The following KCNQ5 variants were observed in gnomAD, a reference collection of about 807,000 sequenced individuals.
KCNQ5 encodes the protein potassium voltage-gated channel subfamily Q member 5, also known as potassium voltage-gated channel subfamily KQT member 5.
A neutral mutation model predicts 98.2 loss-of-function variants in KCNQ5; 30 were observed. That is an observed-to-expected ratio of 0.31 (90% confidence interval 0.23 to 0.41). KCNQ5 has a LOEUF of 0.41. Ranked by LOEUF, KCNQ5 falls within the 10% of genes least tolerant of loss-of-function variation. The probability of loss-of-function intolerance (pLI) is 1.00; values close to 1 mark genes in which losing one functional copy is unlikely to be tolerated. For missense variants in KCNQ5, 835 were observed against 1,182.5 expected (o/e 0.71, Z 4.31); for synonymous variants, 458 against 449.4 (o/e 1.02, Z -0.24).
At chr6:73,138,612 T>G (rs1011041226) in intron 10 of KCNQ5, among the ~76,000 whole-genome samples, 6 of 152,224 alleles carry the variant, frequency 3.9e-5, no homozygotes, top group African/African-American at 1.4e-4. Flanking sequence ...TTAACAAGTC[T>G]AACATTGTTT....
chr6:72,677,600 G>C (rs1274339266), intron 1 of KCNQ5, among the ~76,000 whole-genome samples: 2 of 152,038 alleles, frequency 1.3e-5, no homozygotes, highest in South Asian at 4.2e-4. Context: ...TTTTAATTCT[G>C]AATACAATAT....
intron 1 of KCNQ5, among the ~76,000 whole-genome samples, chr6:72,942,096 A>G (rs138833013): frequency 6.6e-6 from 1 of 152,256 alleles, no homozygotes; most frequent in East Asian, 1.9e-4. Flanking sequence ...TAAGAATGTG[A>G]CTGAAGCTCA....
At chr6:73,170,760 C>G (rs527947643) in intron 11 of KCNQ5, among the ~76,000 whole-genome samples, 135 of 151,820 alleles carry the variant, frequency 8.9e-4, no homozygotes, top group South Asian at 1.9e-3. Context: ...TTGACGAAAC[C>G]CTGTCTCTAC....
chr6:72,772,349 T>C (rs1772940938), intron 1 of KCNQ5, among the ~76,000 whole-genome samples: 1 of 152,128 alleles, frequency 6.6e-6, no homozygotes, highest in Non-Finnish European at 1.5e-5. Flanking sequence ...CTCTCAAAGC[T>C]AATTGTTGAA....
intron 5 of KCNQ5, among the ~76,000 whole-genome samples, chr6:73,094,093 C>T (rs1378493128): frequency 6.6e-6 from 1 of 152,102 alleles, no homozygotes; most frequent in Non-Finnish European, 1.5e-5. Flanking sequence ...TTCCAGTGTT[C>T]AGTGCATATA....
At chr6:72,704,581 C>T (rs1768981442) in intron 1 of KCNQ5, among the ~76,000 whole-genome samples, 1 of 151,290 alleles carries the variant, frequency 6.6e-6, no homozygotes, top group South Asian at 2.1e-4. Context: ...TATAGAAATT[C>T]TATAATTTGA....
At chr6:73,186,914 T>C (rs1177163753) in intron 11 of KCNQ5, among the ~76,000 whole-genome samples, 1 of 152,040 alleles carries the variant, frequency 6.6e-6, no homozygotes, top group Non-Finnish European at 1.5e-5. Context: ...TTACATTAGG[T>C]ATTTCTCCTA....
intron 1 of KCNQ5, among the ~76,000 whole-genome samples, chr6:72,748,458 T>C (rs1771514839): frequency 6.6e-6 from 1 of 152,194 alleles, no homozygotes; most frequent in Non-Finnish European, 1.5e-5. Context: ...AGAATCTGCA[T>C]GTTAACAAAA....
intron 1 of KCNQ5, among the ~76,000 whole-genome samples, chr6:72,952,682 G>T (rs1356984480): frequency 6.6e-6 from 1 of 152,114 alleles, no homozygotes; most frequent in African/African-American, 2.4e-5. Context: ...GACAATCAAA[G>T]CCAACTGATC....
intron 1 of KCNQ5, among the ~76,000 whole-genome samples, chr6:72,681,724 C>T (rs1767721354): frequency 6.6e-6 from 1 of 152,208 alleles, no homozygotes; most frequent in African/African-American, 2.4e-5. Flanking sequence ...CACAGCTTAT[C>T]ATCATCATGC....
chr6:72,638,339 A>G (rs950790879), intron 1 of KCNQ5, among the ~76,000 whole-genome samples: 2 of 152,166 alleles, frequency 1.3e-5, no homozygotes, highest in Admixed American at 1.3e-4. Flanking sequence ...TTGATGAGCT[A>G]CTTTACAATT....
chr6:72,730,183 A>T (rs745869368), intron 1 of KCNQ5, among the ~76,000 whole-genome samples: 1 of 152,180 alleles, frequency 6.6e-6, no homozygotes, highest in Non-Finnish European at 1.5e-5. Flanking sequence ...TAATAAATAA[A>T]TAAAAGATAA....
intron 2 of KCNQ5, among the ~76,000 whole-genome samples, chr6:73,007,022 T>G (rs1769843629): frequency 6.6e-6 from 1 of 152,082 alleles, no homozygotes; most frequent in Non-Finnish European, 1.5e-5. Context: ...GGCCATCCCT[T>G]TAGACATCTC....
chr6:72,689,064 AG>A (rs1768085664), intron 1 of KCNQ5, among the ~76,000 whole-genome samples: 1 of 152,216 alleles, frequency 6.6e-6, no homozygotes, highest in African/African-American at 2.4e-5. Flanking sequence ...ACTCATTCAA[AG>A]TTCTTGCAGT....
At chr6:72,961,481 GC>G (rs1017291517) in intron 1 of KCNQ5, among the ~76,000 whole-genome samples, 1 of 152,222 alleles carries the variant, frequency 6.6e-6, no homozygotes, top group African/African-American at 2.4e-5. Context: ...AATTAGCCGG[GC>G]GTGGTGGCGG....
intron 3 of KCNQ5, among the ~76,000 whole-genome samples, chr6:73,071,086 C>T (rs1044455436): frequency 6.6e-6 from 1 of 151,792 alleles, no homozygotes; most frequent in Non-Finnish European, 1.5e-5. Context: ...TTTGTTTTTC[C>T]CACTGTATTT....
intron 1 of KCNQ5, among the ~76,000 whole-genome samples, chr6:72,814,879 A>T (rs1775423991): frequency 6.6e-6 from 1 of 152,242 alleles, no homozygotes; most frequent in East Asian, 1.9e-4. Flanking sequence ...ACAATTTGTC[A>T]GAAGATAATG....
rs147143783 is a variant in KCNQ5, at chr6:72,761,717, A to C, written c.398+139130A>C. Among the ~76,000 whole-genome samples, 40 of 152,172 alleles carry C rather than the reference A, an allele frequency of 2.6e-4. No individual in the cohort carries two copies. In the East Asian group the frequency reaches 7.6e-3, roughly 29 times the overall value. On this transcript the variant is annotated intron_variant, in intron 1 of 13. Coordinates refer to ENST00000370398, the MANE Select transcript of KCNQ5 (RefSeq NM_019842.4). ...TAGTTCTAGAAGATGTTTTTGCAGTAACTACAATATGCATATTTTTTTGCT... is the reference window on the plus strand; with the variant it reads ...TAGTTCTAGAAGATGTTTTTGCAGTCACTACAATATGCATATTTTTTTGCT...
At chr6:73,124,960 TATATATATATATATATATATACAC>T (rs1382535803) in intron 9 of KCNQ5, among the ~76,000 whole-genome samples, 258 of 15,420 alleles carry the variant, frequency 0.017, 4 homozygotes, top group African/African-American at 0.049. Context: ...TATATATATA[TATATATATATATATATATATACAC>T]ACACACACAT....
Sources: allele counts gnomAD v4.1 joint callset (sites outside exome capture counted in the v4.1 genomes callset), GRCh38; gene constraint gnomAD v4.1.1; transcripts MANE v1.5; gene names NCBI Gene and HGNC (gene_info 2026-07-23, HGNC 2026-07-21).